The following DPYD variants were observed in gnomAD, a reference collection of about 807,000 sequenced individuals.
DPYD encodes dihydropyrimidine dehydrogenase.
Under a neutral mutation model 116.2 loss-of-function variants are expected in DPYD, and 109 were observed. The ratio of observed to expected loss-of-function variants is 0.94; its 90% CI spans 0.80 to 1.10. The LOEUF (loss-of-function observed/expected upper bound fraction) is 1.10. DPYD is among the 50% of genes least tolerant of loss of function. The pLI is 0.00. For synonymous variants in DPYD, 440 were observed against 432.0 expected, an observed-to-expected ratio of 1.02 and a Z score of -0.23; for missense variants, 1,302 against 1,254.5, an observed-to-expected ratio of 1.04 and a Z score of -0.57.
At chr1:97,611,229 A>G (rs964765788) in intron 8 of DPYD, among the ~76,000 whole-genome samples, 2 of 151,858 alleles carry the variant, frequency 1.3e-5, no homozygotes, top group South Asian at 4.1e-4. Context: ...GTGCAGAGAA[A>G]CTCTTGCTTT....
intron 18 of DPYD, among the ~76,000 whole-genome samples, chr1:97,251,121 G>A (rs1308080622): frequency 6.6e-6 from 1 of 152,038 alleles, no homozygotes; most frequent in Non-Finnish European, 1.5e-5. Flanking sequence ...CTGTGGCAGG[G>A]CACGGTGGCT....
intron 19 of DPYD, among the ~76,000 whole-genome samples, chr1:97,225,051 ATCTATCTG>A (rs1440029696): frequency 7.0e-4 from 93 of 132,838 alleles, no homozygotes; most frequent in Middle Eastern, 3.9e-3. Context: ...CTATCTATCT[ATCTATCTG>A]TCTATCATCT....
chr1:97,915,753 G>A (rs561999862), intron 1 of DPYD, among the ~76,000 whole-genome samples: 23 of 152,058 alleles, frequency 1.5e-4, no homozygotes, highest in Non-Finnish European at 2.6e-4. Context: ...GGACTGAAGG[G>A]CTCTGCAACA....
At chr1:97,487,279 A>T (rs1678691309) in intron 13 of DPYD, among the ~76,000 whole-genome samples, 1 of 152,202 alleles carries the variant, frequency 6.6e-6, no homozygotes, top group Non-Finnish European at 1.5e-5. Context: ...AATTAAAAAA[A>T]ATATGGAGAA....
intron 20 of DPYD, among the ~76,000 whole-genome samples, chr1:97,176,868 ATGTGTGTGTG>A (rs10677535): frequency 6.8e-6 from 1 of 146,578 alleles, no homozygotes; most frequent in South Asian, 2.3e-4. Flanking sequence ...GGACAAAAAA[ATGTGTGTGTG>A]TGTGTGTGTG....
intron 20 of DPYD, among the ~76,000 whole-genome samples, chr1:97,171,991 T>C (rs1346121908): frequency 6.6e-6 from 1 of 152,136 alleles, no homozygotes; most frequent in Admixed American, 6.6e-5. Flanking sequence ...AACAAAGGGA[T>C]CTTGATGTGG....
intron 1 of DPYD, among the ~76,000 whole-genome samples, chr1:97,902,079 TTAC>T (rs1485566399): frequency 2.0e-5 from 3 of 151,794 alleles, no homozygotes; most frequent in Non-Finnish European, 4.4e-5. Context: ...TGACTGGCTA[TTAC>T]CCTTCTCAGT....
intron 19 of DPYD, among the ~76,000 whole-genome samples, chr1:97,196,061 G>C (rs945282652): frequency 6.6e-6 from 1 of 151,792 alleles, no homozygotes; most frequent in Non-Finnish European, 1.5e-5. Context: ...AAGAGGAAGA[G>C]GCGAGCTGGG....
intron 8 of DPYD, among the ~76,000 whole-genome samples, chr1:97,601,245 C>T (rs941434677): frequency 6.6e-6 from 1 of 151,916 alleles, no homozygotes; most frequent in Non-Finnish European, 1.5e-5. Context: ...TAGAAAAGTG[C>T]ACATAAAGCA....
intron 21 of DPYD, 71 bp downstream of exon 21, chr1:97,098,418 A>C: frequency 6.5e-7 from 1 of 1,549,316 alleles, no homozygotes; most frequent in Non-Finnish European, 8.9e-7. Context: ...AGCAGTAAAT[A>C]AACATTTTAA....
At chr1:97,474,085 A>C (rs188674493) in intron 13 of DPYD, among the ~76,000 whole-genome samples, 5 of 152,158 alleles carry the variant, frequency 3.3e-5, no homozygotes, top group African/African-American at 1.2e-4. Context: ...AAAAATTAAA[A>C]ATAGGTTACC....
At chr1:97,098,664 G>A in intron 20 of DPYD, 32 bp from the exon 21 acceptor site, 4 of 1,611,412 alleles carry the variant, frequency 2.5e-6, no homozygotes, top group Non-Finnish European at 3.4e-6. Context: ...AAGGAAGCAT[G>A]TTAGCTCAGA....
intron 8 of DPYD, among the ~76,000 whole-genome samples, chr1:97,616,979 G>A (rs1476858900): frequency 1.3e-5 from 2 of 151,974 alleles, no homozygotes; most frequent in East Asian, 1.9e-4. Context: ...TCCGCCTCCC[G>A]GGTTCAAGTG....
chr1:97,508,721 C>A (rs1291530869), intron 13 of DPYD, among the ~76,000 whole-genome samples: 2 of 151,826 alleles, frequency 1.3e-5, no homozygotes, highest in East Asian at 3.9e-4. Flanking sequence ...GTGGAAATTG[C>A]AGGGATTTGT....
At chr1:97,206,765 G>GTGTATGTTTTATATGTATGTGTC (rs1553233624) in intron 19 of DPYD, among the ~76,000 whole-genome samples, 2 of 147,128 alleles carry the variant, frequency 1.4e-5, no homozygotes, top group Non-Finnish European at 3.0e-5. Context: ...ATGTATGTGT[G>GTGTATGTTTTATATGTATGTGTC]TATATGTTTT....
At chr1:97,583,070 G>A (rs1235443294) in intron 10 of DPYD, among the ~76,000 whole-genome samples, 2 of 152,084 alleles carry the variant, frequency 1.3e-5, no homozygotes, top group African/African-American at 4.8e-5. Context: ...CCGGGTTCAC[G>A]CCATTCTCCT....
chr1:97,887,469 TAAAAAAAA>T (rs57316508), intron 1 of DPYD, among the ~76,000 whole-genome samples: 15 of 47,140 alleles, frequency 3.2e-4, no homozygotes, highest in East Asian at 1.2e-3. Flanking sequence ...GACTCTGCAT[TAAAAAAAA>T]AAAAAAAAAA....
chr1:97,328,072 T>C (rs1241384776), intron 16 of DPYD, among the ~76,000 whole-genome samples: 1 of 152,128 alleles, frequency 6.6e-6, no homozygotes. Context: ...TGATGCACGA[T>C]ACCCATCCAC....
At chr1:97,787,300 G>A (rs912847476) in intron 3 of DPYD, among the ~76,000 whole-genome samples, 2 of 152,076 alleles carry the variant, frequency 1.3e-5, no homozygotes, top group Non-Finnish European at 2.9e-5. Context: ...AATGAAATAA[G>A]TGAGACTTTT....
Sources: allele counts gnomAD v4.1 joint callset (sites outside exome capture counted in the v4.1 genomes callset), GRCh38; gene constraint gnomAD v4.1.1; transcripts MANE v1.5; gene names NCBI Gene and HGNC (gene_info 2026-07-23, HGNC 2026-07-21).